The following ODF2L variants were observed in gnomAD, a reference collection of about 807,000 sequenced individuals.
ODF2L encodes the protein outer dense fiber of sperm tails 2 like, also known as protein BCAP.
In ODF2L, 76 loss-of-function variants were observed where a neutral mutation model predicts 86.3. The observed-to-expected ratio is 0.88, with a 90% CI of 0.73 to 1.07. The LOEUF (loss-of-function observed/expected upper bound fraction) is 1.07. ODF2L is among the 50% of genes least tolerant of loss of function. The pLI is 0.00. For missense variants in ODF2L, 748 were observed against 717.4 expected, an observed-to-expected ratio of 1.04 and a Z score of -0.49; for synonymous variants, 241 against 231.3, an observed-to-expected ratio of 1.04 and a Z score of -0.38.
At chr1:86,377,451 AGT>A (rs1350280675) in intron 7 of ODF2L, among the ~76,000 whole-genome samples, 3 of 152,186 alleles carry the variant, frequency 2.0e-5, no homozygotes, top group Non-Finnish European at 4.4e-5. Flanking sequence ...TCCACTAGGC[AGT>A]GCTCCAATGG....
intron 1 of ODF2L, among the ~76,000 whole-genome samples, chr1:86,388,784 T>G (rs1055398121): frequency 3.9e-5 from 6 of 152,236 alleles, no homozygotes; most frequent in Middle Eastern, 6.8e-3. Context: ...GTCATAAAAT[T>G]TTTCTGCTTC....
intron 14 of ODF2L, among the ~76,000 whole-genome samples, chr1:86,355,715 T>C (rs1293557870): frequency 6.6e-6 from 1 of 152,154 alleles, no homozygotes; most frequent in African/African-American, 2.4e-5. Context: ...CCACTGTGTG[T>C]TGTTCTTCTC....
chr1:86,366,433 CAT>C (rs747724626), intron 11 of ODF2L, among the ~76,000 whole-genome samples: 13,619 of 122,706 alleles, frequency 0.11, 637 homozygotes, highest in East Asian at 0.16. Flanking sequence ...CACACACACA[CAT>C]ACACATACAC....
chr1:86,354,935 T>G, intron 14 of ODF2L, 76 bp from the exon 14 acceptor site: 1 of 800,230 alleles, frequency 1.2e-6, no homozygotes, highest in Non-Finnish European at 2.1e-6. Context: ...AATTTATTGT[T>G]AGAACAACCA....
rs76505373 is a variant in ODF2L, at chr1:86,352,143, T to C, written c.*48A>G. On this transcript the variant is annotated 3_prime_UTR_variant, in exon 18 of 18. Coordinates refer to ENST00000317336, the Ensembl canonical transcript of ODF2L. ...CCAAAAATCATTTAACTCTTGAATC[T>C]TTTAGGTTTTCAACTTTTTAGACAC... The C allele has an allele frequency of 1.8e-3, 2,746 of 1,496,894 alleles. 43 individuals carry two copies. In the African/African-American group the frequency reaches 0.036, roughly 20 times the overall value. 92.7% of individuals were successfully genotyped at this position (1,496,894 alleles called of 1,614,324 possible). A position where few individuals can be genotyped will look rare whatever the true frequency, so the allele number is the denominator to read the frequency against.
At chr1:86,379,076 C>T (rs962656691) in intron 7 of ODF2L, among the ~76,000 whole-genome samples, 2 of 152,044 alleles carry the variant, frequency 1.3e-5, no homozygotes, top group East Asian at 1.9e-4. Flanking sequence ...TCCTTTTGCT[C>T]CCACCATGTG....
At chr1:86,346,840 C>G (rs1330160986), downstream of ODF2L, 2 of 152,024 alleles carry the variant, frequency 1.3e-5, no homozygotes, top group Non-Finnish European at 2.9e-5. Context: ...AAATGCATTA[C>G]TGTTATAAGA....
intron 11 of ODF2L, among the ~76,000 whole-genome samples, chr1:86,361,374 T>C (rs1271529558): frequency 6.6e-6 from 1 of 152,176 alleles, no homozygotes; most frequent in African/African-American, 2.4e-5. Context: ...GGAACCCAAA[T>C]TTCTTATAGC....
intron 10 of ODF2L, among the ~76,000 whole-genome samples, chr1:86,370,020 C>T (rs1159818489): frequency 6.6e-6 from 1 of 151,988 alleles, no homozygotes; most frequent in Non-Finnish European, 1.5e-5. Flanking sequence ...TAAAAACCCA[C>T]TGCAAGCTTT....
chr1:86,382,505 T>C (rs758547881), intron 6 of ODF2L, 147 bp from the exon 7 acceptor site: 8 of 1,344,176 alleles, frequency 6.0e-6, no homozygotes, highest in Admixed American at 2.9e-5. Flanking sequence ...GCCGCCCCTA[T>C]TACAAATGTA....
chr1:86,367,484 C>T (rs1284485379), intron 11 of ODF2L, among the ~76,000 whole-genome samples: 1 of 150,466 alleles, frequency 6.6e-6, no homozygotes, highest in Non-Finnish European at 1.5e-5. Context: ...GACAGAAGGC[C>T]CAAAGTAGAA....
At chr1:86,381,965 T>C (rs1660620306) in intron 7 of ODF2L, 1 of 230,584 alleles carries the variant, frequency 4.3e-6, no homozygotes, top group Non-Finnish European at 7.9e-6. Context: ...CCACAGTAAA[T>C]ATAAATTAAC....
At chr1:86,363,954 C>T (rs542803751) in intron 11 of ODF2L, among the ~76,000 whole-genome samples, 2 of 152,100 alleles carry the variant, frequency 1.3e-5, no homozygotes, top group East Asian at 3.9e-4. Flanking sequence ...AAAACACAAA[C>T]ATCTAGGCTG....
At chr1:86,395,951 ACCGCTAAGGGCT>A (rs1661712093) in intron 1 of ODF2L, 70 bp downstream of exon 1, 1 of 152,170 alleles carries the variant, frequency 6.6e-6, no homozygotes, top group Non-Finnish European at 1.5e-5. Flanking sequence ...TCACCTCCAG[ACCGCTAAGGGCT>A]CCCGCGGTAA....
At chr1:86,360,854 T>C (rs532983150) in intron 11 of ODF2L, 1 of 165,212 alleles carries the variant, frequency 6.1e-6, no homozygotes, top group East Asian at 1.6e-4. Context: ...TACACAAAAA[T>C]TATACTTAAT....
chr1:86,358,938 A>G (rs375836317), intron 12 of ODF2L, 47 bp from the exon 12 acceptor site: 388 of 901,860 alleles, frequency 4.3e-4, no homozygotes, highest in Middle Eastern at 2.0e-3. Flanking sequence ...GAATCATAAC[A>G]TGAGATAAAA....
At chr1:86,372,706 T>A (rs1184595224) in intron 8 of ODF2L, 166 bp from the exon 9 acceptor site, 2 of 404,078 alleles carry the variant, frequency 4.9e-6, no homozygotes, top group Non-Finnish European at 8.9e-6. Context: ...CAATTCATAA[T>A]TGCAAAAATA....
intron 1 of ODF2L, among the ~76,000 whole-genome samples, chr1:86,394,840 C>CTTTTTTT (rs33996151): frequency 1.5e-5 from 2 of 129,316 alleles, no homozygotes; most frequent in Non-Finnish European, 3.2e-5. Context: ...TTTCTTTTTC[C>CTTTTTTT]TTTTTTTTTT....
intron 1 of ODF2L, among the ~76,000 whole-genome samples, chr1:86,394,674 T>C (rs1033127934): frequency 6.6e-6 from 1 of 152,002 alleles, no homozygotes; most frequent in Non-Finnish European, 1.5e-5. Flanking sequence ...CAAGGAACTT[T>C]TGGGATAGAA....
Sources: allele counts gnomAD v4.1 joint callset (sites outside exome capture counted in the v4.1 genomes callset), GRCh38; gene constraint gnomAD v4.1.1; transcripts MANE v1.5; gene names NCBI Gene and HGNC (gene_info 2026-07-23, HGNC 2026-07-21).